The following AUTS2 variants were observed in gnomAD, a reference collection of about 807,000 sequenced individuals.
AUTS2 encodes the protein autism susceptibility gene 2 protein.
A neutral mutation model predicts 112.4 loss-of-function variants in AUTS2; 17 were observed. The ratio of observed to expected loss-of-function variants is 0.15; its 90% CI spans 0.10 to 0.23. AUTS2 has a LOEUF of 0.23. Ranked by LOEUF, AUTS2 falls within the 10% of genes least tolerant of loss-of-function variation. The pLI, the probability that AUTS2 is intolerant of heterozygous loss-of-function variation, is 1.00. For synonymous variants in AUTS2, 751 were observed against 702.7 expected (o/e 1.07, Z -1.09); for missense variants, 1,510 against 1,701.6 (o/e 0.89, Z 1.98).
At chr7:70,205,937 C>G (rs986114991) in intron 4 of AUTS2, among the ~76,000 whole-genome samples, 1 of 152,148 alleles carries the variant, frequency 6.6e-6, no homozygotes, top group Non-Finnish European at 1.5e-5. Context: ...TAAGCTAGCC[C>G]TTAAAGAATA....
chr7:70,181,796 C>CT lies in AUTS2; in HGVS notation c.660+47244dup, dbSNP rs35077931. 8.9e-3 allele frequency among the ~76,000 whole-genome samples: 975 copies of CT among 110,132 alleles called. 18 individuals carry two copies. Among genetic ancestry groups the CT allele is most frequent in the African/African-American group, 0.024 (672 of 27,734 alleles). 72.3% of individuals were successfully genotyped at this position (110,132 alleles called of 152,430 possible). The stretch of plus-strand genomic sequence containing the variant: ...GAGCCACCAAGCCCAGCTGAGCTAA[C>CT]TTTTTTTTTTTTTTTTTTTGAGATG... On this transcript the variant is annotated intron_variant, in intron 4 of 18. Coordinates refer to ENST00000342771, the MANE Select transcript of AUTS2 (RefSeq NM_015570.4).
intron 2 of AUTS2, among the ~76,000 whole-genome samples, chr7:69,982,618 C>T (rs1397523887): frequency 2.6e-5 from 4 of 152,134 alleles, no homozygotes; most frequent in Non-Finnish European, 5.9e-5. Flanking sequence ...TACATGAGTG[C>T]GTTTGCGTTT....
At chr7:69,929,451 CCTTCT>C (rs1469447201) in intron 2 of AUTS2, among the ~76,000 whole-genome samples, 1 of 151,174 alleles carries the variant, frequency 6.6e-6, no homozygotes, top group Non-Finnish European at 1.5e-5. Context: ...GGTTTTTTCC[CCTTCT>C]CTTCTGCTTT....
intron 5 of AUTS2, among the ~76,000 whole-genome samples, chr7:70,666,055 G>A (rs572609982): frequency 2.6e-5 from 4 of 152,242 alleles, no homozygotes; most frequent in African/African-American, 4.8e-5. Flanking sequence ...ATAAGGTGCC[G>A]TGACAGATTG....
intron 5 of AUTS2, among the ~76,000 whole-genome samples, chr7:70,673,267 G>A (rs906927908): frequency 9.2e-5 from 14 of 152,198 alleles, no homozygotes; most frequent in African/African-American, 3.4e-4. Flanking sequence ...AAGGGACCTG[G>A]GCAGAACTGC....
chr7:70,340,065 G>A (rs367906880), intron 4 of AUTS2, among the ~76,000 whole-genome samples: 181 of 151,800 alleles, frequency 1.2e-3, no homozygotes, highest in African/African-American at 4.3e-3. Context: ...ATCCTCTGAG[G>A]TCTTGTCTGT....
intron 4 of AUTS2, among the ~76,000 whole-genome samples, chr7:70,384,297 T>G (rs1302534876): frequency 6.6e-6 from 1 of 152,214 alleles, no homozygotes; most frequent in East Asian, 1.9e-4. Flanking sequence ...ACGCACTGAC[T>G]GTTGTTTCAG....
At chr7:69,950,988 T>A (rs1043712349) in intron 2 of AUTS2, among the ~76,000 whole-genome samples, 12 of 151,820 alleles carry the variant, frequency 7.9e-5, no homozygotes, top group Non-Finnish European at 1.5e-4. Context: ...TCTTTTTTTT[T>A]AAAGGCTCCC....
At position 70,054,158 on chromosome 7, in the gene AUTS2, T is replaced by C. The variant is rs561265140; in HGVS notation, c.523-63974T>C. On this transcript the variant is annotated intron_variant, in intron 2 of 18. Transcript: ENST00000342771. ...AGTGTGATCCTAAGGAACTGAATTT[T>C]GAGTTTTACTTTCATAAATTTAAAT... 2.6e-5 allele frequency among the ~76,000 whole-genome samples: 4 copies of C among 152,322 alleles called. No homozygotes were observed. The East Asian group carries it at 7.7e-4, about 29-fold the overall frequency.
In AUTS2 at chr7:70,230,961, G is replaced by A. The variant is rs985526931; in HGVS notation, c.660+96390G>A. 2.6e-5 allele frequency among the ~76,000 whole-genome samples: 4 copies of A among 152,344 alleles called. No individual in the cohort carries two copies. In the East Asian group the frequency reaches 5.8e-4, roughly 22 times the overall value. ...CCACCCCGACAGCACTTCTGCATCA[G>A]GAAGCAGGGGTGGAACTAGGGAGTG... is the stretch of plus-strand genomic sequence containing the variant. On this transcript the variant is annotated intron_variant, in intron 4 of 18. Coordinates refer to ENST00000342771, the MANE Select transcript of AUTS2 (RefSeq NM_015570.4).
chr7:70,417,644 T>G (rs1256981523), intron 4 of AUTS2, among the ~76,000 whole-genome samples: 1 of 152,196 alleles, frequency 6.6e-6, no homozygotes, highest in Non-Finnish European at 1.5e-5. Context: ...TTTCTCCAAA[T>G]GGGAGACAGG....
intron 5 of AUTS2, among the ~76,000 whole-genome samples, chr7:70,554,476 C>G (rs1276567760): frequency 6.7e-6 from 1 of 149,614 alleles, no homozygotes; most frequent in African/African-American, 2.5e-5. Context: ...ATTCAACTAC[C>G]TCAACTCTGG....
At chr7:70,184,250 C>T (rs560657802) in intron 4 of AUTS2, among the ~76,000 whole-genome samples, 1 of 152,256 alleles carries the variant, frequency 6.6e-6, no homozygotes, top group African/African-American at 2.4e-5. Context: ...GGTTATATAA[C>T]TCTAAAAAGA....
chr7:69,625,556 G>A (rs911972223), intron 1 of AUTS2, among the ~76,000 whole-genome samples: 3 of 152,060 alleles, frequency 2.0e-5, no homozygotes, highest in Admixed American at 1.3e-4. Context: ...AAAACATGAC[G>A]GATTTCGAAA....
intron 1 of AUTS2, among the ~76,000 whole-genome samples, chr7:69,888,540 G>GATATATATATATATATATATATAT (rs60804022): frequency 5.0e-5 from 5 of 99,232 alleles, no homozygotes; most frequent in Admixed American, 1.1e-4. Context: ...CAACATTGGG[G>GATATATATATATATATATATATAT]ATATATATAT....
chr7:70,651,611 C>T (rs1585442478), intron 5 of AUTS2, among the ~76,000 whole-genome samples: 2 of 152,206 alleles, frequency 1.3e-5, no homozygotes, highest in East Asian at 3.9e-4. Flanking sequence ...TTATTGAATA[C>T]TGTACTGAAA....
chr7:70,553,756 CTTTCTTTTTTTTTTTTTT>C (rs1321073445), intron 5 of AUTS2, among the ~76,000 whole-genome samples: 1 of 98,128 alleles, frequency 1.0e-5, no homozygotes, highest in Non-Finnish European at 2.1e-5. Context: ...AGAGGCCTTT[CTTTCTTTTTTTTTTTTTT>C]TTTTTTTTTT....
Position 70,790,516 on chromosome 7 carries a change from G to C in AUTS2, c.3300G>C (p.Pro1100=). The change falls in exon 19 of 19, where the codon CCG becomes CCC. Residue 1100 remains proline (P), a synonymous_variant. Coordinates refer to ENST00000342771, the MANE Select transcript of AUTS2 (RefSeq NM_015570.4). This position sits in a 1 kb window ranked among gnomAD's most constrained non-coding sequence, Gnocchi z 7.6. ...LGRDFLLRND[P]LHRLSTPRLY... ...GGGACTTCCTGCTAAGGAACGACCC[G>C]CTCCACCGGCTCTCGACTCCCCGGC... 1 of 1,610,136 alleles carries C rather than the reference G, an allele frequency of 6.2e-7. No homozygotes were observed. Among genetic ancestry groups the C allele is most frequent in the South Asian group, 1.1e-5 (1 of 90,540 alleles).
At position 70,786,936 on chromosome 7, in the gene AUTS2, A is replaced by G. The variant is rs999914140; in HGVS notation, c.2309-273A>G. 2.1e-5 allele frequency: 11 copies of G among 528,218 alleles called. No homozygotes were observed. The African/African-American group carries it at 2.1e-4, about 10-fold the overall frequency. 32.7% of individuals were successfully genotyped at this position (528,218 alleles called of 1,614,324 possible). On this transcript the variant is annotated intron_variant, in intron 17 of 18. Coordinates refer to ENST00000342771, the MANE Select transcript of AUTS2 (RefSeq NM_015570.4). ...CAGATACGTTGAATTAGGTCATCTC[A>G]GTACCCATTTGGTCCCTTTTCCTTT...
Sources: allele counts gnomAD v4.1 joint callset (sites outside exome capture counted in the v4.1 genomes callset), GRCh38; gene constraint gnomAD v4.1.1; non-coding constraint Gnocchi (gnomAD v3.1); transcripts MANE v1.5; gene names NCBI Gene and HGNC (gene_info 2026-07-23, HGNC 2026-07-21).